CFAP77: variants seen among roughly 807,000 people sequenced by gnomAD.
CFAP77 encodes the protein cilia and flagella associated protein 77.
In CFAP77, 25 loss-of-function variants were observed where a neutral mutation model predicts 31.1. The ratio of observed to expected loss-of-function variants is 0.80; its 90% confidence interval spans 0.59 to 1.12. CFAP77 has a LOEUF of 1.12. Among genes scored for constraint, CFAP77 ranks in the 50% most tolerant of loss-of-function variants. The pLI is 0.00. For missense variants in CFAP77, 377 were observed against 397.3 expected, an observed-to-expected ratio of 0.95 and a Z score of 0.44; for synonymous variants, 151 against 159.9, an observed-to-expected ratio of 0.94 and a Z score of 0.42.
chr9:132,483,103 C>G (rs1851477553), intron 1 of CFAP77, among the ~76,000 whole-genome samples: 1 of 151,962 alleles, frequency 6.6e-6, no homozygotes, highest in South Asian at 2.1e-4. Context: ...GAAACACACT[C>G]TCTACTAAAA....
rs1851766955 is a variant in CFAP77 at position 132,497,661 on chromosome 9, C to A, written c.196-1034C>A. ...CTTCCTACTGCTTGACCTGAGGCAA[C>A]CTGTCGGATCTCTCTGTGCCTCAGC... On this transcript the variant is annotated intron_variant, in intron 1 of 5. Transcript: ENST00000393216. This position sits in a 1 kb window ranked among gnomAD's most constrained non-coding sequence, Gnocchi z 4.9. 6.6e-6 allele frequency among the ~76,000 whole-genome samples: 1 copy of A among 152,138 alleles called. No homozygotes were observed. The highest frequency in any genetic ancestry group is 1.5e-5 in the Non-Finnish European group (1 of 68,018).
At chr9:132,431,313 C>G (rs1850406971) in intron 1 of CFAP77, among the ~76,000 whole-genome samples, 1 of 152,168 alleles carries the variant, frequency 6.6e-6, no homozygotes, top group South Asian at 2.1e-4. Context: ...CATAAATAAT[C>G]CAGAGTCTCT....
At chr9:132,438,540 T>TTTTC (rs1850553141) in intron 1 of CFAP77, among the ~76,000 whole-genome samples, 1 of 108,004 alleles carries the variant, frequency 9.3e-6, no homozygotes, top group Non-Finnish European at 1.8e-5. Context: ...TATATATATA[T>TTTTC]ATTTTTTTTT....
chr9:132,559,651 C>T lies in CFAP77; in HGVS notation c.733-12737C>T, dbSNP rs114907377. Among the ~76,000 whole-genome samples the T allele has an allele frequency of 7.5e-3, 1,148 of 152,162 alleles. 19 individuals are homozygous for T. The highest frequency in any genetic ancestry group is 0.026 in the African/African-American group (1,090 of 41,508). On this transcript the variant is annotated intron_variant, in intron 5 of 5. Transcript: ENST00000393216. ...TCCAAAAGGCTAAACATAGAGCTCC[C>T]GTATCACCCAGAAATTCTACTCTTA...
At chr9:132,454,380 A>G (rs1354559589) in intron 1 of CFAP77, among the ~76,000 whole-genome samples, 1 of 152,196 alleles carries the variant, frequency 6.6e-6, no homozygotes, top group African/African-American at 2.4e-5. Context: ...AGTGTAAGTC[A>G]GTTCGATTTC....
Position 132,430,021 on chromosome 9 carries a change from C to T in CFAP77, c.195+19555C>T, listed in dbSNP as rs146787964. 2.9e-3 allele frequency among the ~76,000 whole-genome samples: 445 copies of T among 152,064 alleles called. 5 individuals are homozygous for T. The highest frequency in any genetic ancestry group is 0.01 in the African/African-American group (433 of 41,448). ...ATAGTCCACGACTGCTGCCCCAGAG[C>T]CCTCTTTTCTCTGGTACATGGGGTC... On this transcript the variant is annotated intron_variant, in intron 1 of 5. Coordinates refer to ENST00000393216, the MANE Select transcript of CFAP77 (RefSeq NM_001282957.2).
chr9:132,523,983 T>C (rs7864953), intron 3 of CFAP77, among the ~76,000 whole-genome samples: 65,780 of 151,840 alleles, frequency 0.43, 14,749 homozygotes, highest in East Asian at 0.77. Flanking sequence ...GGTGCTATTA[T>C]ACATAGCATC....
chr9:132,502,131 T>C (rs1414318812), intron 3 of CFAP77, among the ~76,000 whole-genome samples: 2 of 152,178 alleles, frequency 1.3e-5, no homozygotes, highest in African/African-American at 4.8e-5. Flanking sequence ...TCAGCCCATC[T>C]GCGTGGCAGC....
intron 5 of CFAP77, among the ~76,000 whole-genome samples, chr9:132,549,187 C>T (rs774873969): frequency 5.3e-4 from 81 of 152,192 alleles, no homozygotes; most frequent in Non-Finnish European, 1.0e-3. Context: ...GCCTGTCCAC[C>T]CTGCCGCCTC....
intron 5 of CFAP77, among the ~76,000 whole-genome samples, chr9:132,548,490 C>T (rs1028268087): frequency 3.9e-5 from 6 of 152,186 alleles, no homozygotes; most frequent in East Asian, 1.9e-4. Flanking sequence ...TCTCACCAAA[C>T]GCTCGCACGC....
chr9:132,466,249 T>A lies in CFAP77; in HGVS notation c.196-32446T>A, dbSNP rs143463035. Among the ~76,000 whole-genome samples, 632 of 152,304 alleles carry A rather than the reference T, an allele frequency of 4.1e-3. 2 individuals carry two copies. The highest frequency in any genetic ancestry group is 6.8e-3 in the South Asian group (33 of 4,828). On this transcript the variant is annotated intron_variant, in intron 1 of 5. Transcript: ENST00000393216. ...AGCCTGGCTGACATGAGCATTTTTT[T>A]AAATGCCCCTTGATGATTCTAGAGA...
chr9:132,529,565 G>A (rs1256353804), intron 3 of CFAP77, among the ~76,000 whole-genome samples: 3 of 150,424 alleles, frequency 2.0e-5, no homozygotes, highest in East Asian at 1.9e-4. Context: ...GGTGGCTCAC[G>A]CCTGTAATCC....
chr9:132,447,037 G>C (rs1262875998), intron 1 of CFAP77, among the ~76,000 whole-genome samples: 1 of 152,138 alleles, frequency 6.6e-6, no homozygotes, highest in Non-Finnish European at 1.5e-5. Context: ...TTACAGGTGT[G>C]AGCCACTGGG....
chr9:132,449,423 T>C (rs931713337), intron 1 of CFAP77, among the ~76,000 whole-genome samples: 10 of 148,872 alleles, frequency 6.7e-5, no homozygotes, highest in Non-Finnish European at 1.3e-4. Context: ...AATGGAGCCA[T>C]AGAGTACACA....
chr9:132,531,530 A>G (rs113197327), intron 3 of CFAP77, among the ~76,000 whole-genome samples: 1 of 148,396 alleles, frequency 6.7e-6, no homozygotes, highest in Non-Finnish European at 1.5e-5. Flanking sequence ...GAGGTGGGGG[A>G]TGGCATGAAT....
intron 5 of CFAP77, among the ~76,000 whole-genome samples, chr9:132,550,644 C>G (rs1285243556): frequency 2.6e-5 from 4 of 151,680 alleles, no homozygotes; most frequent in Non-Finnish European, 4.4e-5. Flanking sequence ...CCTACCCCAG[C>G]CTCCTAAGTA....
intron 5 of CFAP77, among the ~76,000 whole-genome samples, chr9:132,570,663 T>C (rs1309527756): frequency 6.6e-6 from 1 of 152,162 alleles, no homozygotes; most frequent in Non-Finnish European, 1.5e-5. Context: ...CCACATCCGC[T>C]AGAAGGTGAA....
Position 132,481,959 on chromosome 9 carries a change from TGGGGGG to T in CFAP77, c.196-16727_196-16722del, listed in dbSNP as rs59722731. ...TCAGGAAGGAACAAGGGTTTATGGT[TGGGGGG>T]GGGGGGGGCGGCGGAACACTGAACA... On this transcript the variant is annotated intron_variant, in intron 1 of 5. Transcript: ENST00000393216. The surrounding 1 kb of genome is among the most constrained non-coding windows in gnomAD (Gnocchi z 5.0). Among the ~76,000 whole-genome samples the T allele has an allele frequency of 1.6e-4, 19 of 115,832 alleles. No homozygotes were observed. In the East Asian group the frequency reaches 3.4e-3, roughly 21 times the overall value. The allele number at this position is 115,832 out of a possible 152,430, so 76.0% of individuals were successfully genotyped here.
intron 3 of CFAP77, among the ~76,000 whole-genome samples, chr9:132,532,653 T>G (rs1852474179): frequency 6.6e-6 from 1 of 152,188 alleles, no homozygotes; most frequent in South Asian, 2.1e-4. Flanking sequence ...TGGGAGACGC[T>G]TCCCCTCTCA....
Sources: allele counts gnomAD v4.1 joint callset (sites outside exome capture counted in the v4.1 genomes callset), GRCh38; gene constraint gnomAD v4.1.1; non-coding constraint Gnocchi (gnomAD v3.1); transcripts MANE v1.5; gene names NCBI Gene and HGNC (gene_info 2026-07-23, HGNC 2026-07-21).